SSX2IP: variants seen among roughly 807,000 people sequenced by gnomAD.
SSX2IP encodes SSX family member 2 interacting protein.
In SSX2IP, 55 loss-of-function variants were observed where a neutral mutation model predicts 84.9. The observed-to-expected ratio is 0.65, with a 90% confidence interval of 0.52 to 0.81. The LOEUF is 0.81. Ranked by LOEUF, SSX2IP falls within the 30% of genes least tolerant of loss-of-function variation. The pLI, the probability that SSX2IP is intolerant of heterozygous loss-of-function variation, is 0.00. For synonymous variants in SSX2IP, 239 were observed against 234.7 expected, an observed-to-expected ratio of 1.02 and a Z score of -0.17; for missense variants, 664 against 705.2, an observed-to-expected ratio of 0.94 and a Z score of 0.66.
At chr1:84,657,425 AT>A (rs910659971) in intron 9 of SSX2IP, among the ~76,000 whole-genome samples, 1 of 152,200 alleles carries the variant, frequency 6.6e-6, no homozygotes, top group African/African-American at 2.4e-5. Flanking sequence ...CCAAATTAAT[AT>A]TTTGCATTAA....
In SSX2IP at chr1:84,644,198, T is replaced by C. The variant is rs750514836; in HGVS notation, c.*3235A>G. 5 of 152,246 alleles carry C rather than the reference T, an allele frequency of 3.3e-5. No individual in the cohort carries two copies. The highest frequency in any genetic ancestry group is 7.3e-5 in the Non-Finnish European group (5 of 68,046). 9.4% of individuals were successfully genotyped at this position (152,246 alleles called of 1,614,324 possible). On this transcript the variant is annotated 3_prime_UTR_variant, in exon 14 of 14. Transcript: ENST00000342203. ...ACAAAGGAAATAATGCTAAGACTTATAAATGGAAGCCTAGCCACGTTACTG... is the reference window on the plus strand; with the variant it reads ...ACAAAGGAAATAATGCTAAGACTTACAAATGGAAGCCTAGCCACGTTACTG...
intron 8 of SSX2IP, among the ~76,000 whole-genome samples, chr1:84,661,229 C>T (rs996139174): frequency 7.2e-5 from 11 of 151,994 alleles, no homozygotes; most frequent in African/African-American, 2.7e-4. Context: ...TGGTATCTTG[C>T]TGTTAACTAG....
At chr1:84,680,664 A>AG (rs1261422616) in intron 1 of SSX2IP, among the ~76,000 whole-genome samples, 2 of 152,252 alleles carry the variant, frequency 1.3e-5, no homozygotes, top group African/African-American at 2.4e-5. Flanking sequence ...AAAAAAAACA[A>AG]ATATCAGTAG....
intron 8 of SSX2IP, among the ~76,000 whole-genome samples, chr1:84,661,067 T>TAAAAA (rs11362632): frequency 1.9e-5 from 2 of 107,470 alleles, no homozygotes; most frequent in East Asian, 5.4e-4. Flanking sequence ...CTCCGTCTCT[T>TAAAAA]AAAAAAAAAA....
intron 11 of SSX2IP, among the ~76,000 whole-genome samples, chr1:84,654,206 G>C (rs977418600): frequency 1.3e-4 from 20 of 151,980 alleles, no homozygotes; most frequent in African/African-American, 4.8e-4. Flanking sequence ...AGGATGAAAG[G>C]AACTCTCTAG....
In SSX2IP at chr1:84,650,480, T is replaced by G. The variant is rs1443350987; in HGVS notation, c.1552A>C (p.Lys518Gln). Residue 518 changes from lysine to glutamine, a missense_variant, in exon 13 of 14, where the codon AAG becomes CAG. Transcript: ENST00000342203. ...GACCCATTAGACACACTGTGAGGCT[T>G]CTTTTGCGGCTGCCTCGAGTGCACT... ...LIVHSRQPQK[K>Q]PHSVSNGSPV... The G allele has an allele frequency of 3.1e-6, 5 of 1,614,044 alleles. No individual in the cohort carries two copies. The South Asian group carries it at 4.4e-5, about 14-fold the overall frequency.
At chr1:84,672,261 C>T (rs1289670821) in intron 1 of SSX2IP, among the ~76,000 whole-genome samples, 1 of 152,142 alleles carries the variant, frequency 6.6e-6, no homozygotes, top group Non-Finnish European at 1.5e-5. Context: ...CTGGGGAACA[C>T]ATGTCAATAC....
At chr1:84,686,156 T>TA (rs1364562909) in intron 1 of SSX2IP, among the ~76,000 whole-genome samples, 1 of 151,532 alleles carries the variant, frequency 6.6e-6, no homozygotes, top group African/African-American at 2.4e-5. Flanking sequence ...TGAAGTAACT[T>TA]AAATACTTTT....
chr1:84,645,231 GT>G lies in SSX2IP; in HGVS notation c.*2201del, dbSNP rs1459145147. ...AGAGATGGGAAACAAAATCCCAGGA[GT>G]TTTGTGTGTGGAGTCCTGGGTTTTC... On this transcript the variant is annotated 3_prime_UTR_variant, in exon 14 of 14. Coordinates refer to ENST00000342203, the MANE Select transcript of SSX2IP (RefSeq NM_001166293.2). 1 of 152,164 alleles carries G rather than the reference GT, an allele frequency of 6.6e-6. No homozygotes were observed. Among genetic ancestry groups the G allele is most frequent in the Non-Finnish European group, 1.5e-5 (1 of 68,036 alleles). 9.4% of individuals were successfully genotyped at this position (152,164 alleles called of 1,614,324 possible).
intron 1 of SSX2IP, among the ~76,000 whole-genome samples, chr1:84,676,806 T>G (rs541609364): frequency 2.1e-5 from 3 of 142,202 alleles, no homozygotes; most frequent in African/African-American, 7.8e-5. Context: ...CAATGCTATC[T>G]CAGCCTCCCG....
At chr1:84,664,985 C>T (rs1249675701) in intron 5 of SSX2IP, among the ~76,000 whole-genome samples, 1 of 152,112 alleles carries the variant, frequency 6.6e-6, no homozygotes, top group South Asian at 2.1e-4. Flanking sequence ...TAAGCAGGCT[C>T]GTTTTTCTAA....
At chr1:84,661,695 T>G (rs181828861) in intron 8 of SSX2IP, among the ~76,000 whole-genome samples, 2 of 152,322 alleles carry the variant, frequency 1.3e-5, no homozygotes, top group African/African-American at 4.8e-5. Context: ...GAAGTTTCAC[T>G]CTGTGAAAAG....
At chr1:84,671,362 T>C (rs1653552329) in intron 1 of SSX2IP, 54 bp from the exon 2 acceptor site, 1 of 1,384,040 alleles carries the variant, frequency 7.2e-7, no homozygotes, top group Non-Finnish European at 9.4e-7. Context: ...TGAAAGCCAA[T>C]ATAAACCCAA....
intron 13 of SSX2IP, among the ~76,000 whole-genome samples, chr1:84,648,041 C>T (rs1183495463): frequency 2.0e-5 from 3 of 152,158 alleles, no homozygotes; most frequent in East Asian, 1.9e-4. Context: ...AGGTAACTTA[C>T]GCACAAGTCT....
At chr1:84,669,465 G>A (rs769426318) in intron 4 of SSX2IP, among the ~76,000 whole-genome samples, 9 of 151,824 alleles carry the variant, frequency 5.9e-5, no homozygotes, top group Admixed American at 1.3e-4. Flanking sequence ...TTACAGATTC[G>A]GCAAGTCATT....
chr1:84,645,015 TTTATGCTTTGAA>T lies in SSX2IP; in HGVS notation c.*2406_*2417del, dbSNP rs1649309315. The T allele has an allele frequency of 6.6e-6, 1 of 152,220 alleles. No homozygotes were observed. The highest frequency in any genetic ancestry group is 1.5e-5 in the Non-Finnish European group (1 of 68,040). The allele number at this position is 152,220 out of a possible 1,614,324, so 9.4% of individuals were successfully genotyped here. A position where few individuals can be genotyped will look rare whatever the true frequency, so the allele number is the denominator to read the frequency against. On this transcript the variant is annotated 3_prime_UTR_variant, in exon 14 of 14. Transcript: ENST00000342203. The stretch of plus-strand genomic sequence containing the variant: ...TTTATCTCAATTTTTCTTTGACATT[TTTATGCTTTGAA>T]AATTCAGAATGGATAAAAACAAATG...
Position 84,645,563 on chromosome 1 carries a change from TAA to T in SSX2IP, c.*1868_*1869del, listed in dbSNP as rs1286838983. 1 of 152,208 alleles carries T rather than the reference TAA, an allele frequency of 6.6e-6. No homozygotes were observed. Among genetic ancestry groups the T allele is most frequent in the African/African-American group, 2.4e-5 (1 of 41,464 alleles). The allele number at this position is 152,208 out of a possible 1,614,324, so 9.4% of individuals were successfully genotyped here. On this transcript the variant is annotated 3_prime_UTR_variant, in exon 14 of 14. Transcript: ENST00000342203. ...TCATGAAATATAATATTTGCTAAAA[TAA>T]GAGATTTACTTTAAAAATTAGAGTG...
At chr1:84,651,263 A>G (rs1371191814) in intron 12 of SSX2IP, among the ~76,000 whole-genome samples, 1 of 151,924 alleles carries the variant, frequency 6.6e-6, no homozygotes, top group East Asian at 2.0e-4. Flanking sequence ...GGCTGCAGAG[A>G]GCCGAGATGC....
At chr1:84,678,722 T>C (rs1654697145) in intron 1 of SSX2IP, among the ~76,000 whole-genome samples, 1 of 152,226 alleles carries the variant, frequency 6.6e-6, no homozygotes, top group African/African-American at 2.4e-5. Context: ...TTCCCATTTG[T>C]CTTGTCCTCT....
Sources: allele counts gnomAD v4.1 joint callset (sites outside exome capture counted in the v4.1 genomes callset), GRCh38; gene constraint gnomAD v4.1.1; transcripts MANE v1.5; gene names NCBI Gene and HGNC (gene_info 2026-07-23, HGNC 2026-07-21).